The following SPRR2G variants were observed in gnomAD, a reference collection of about 807,000 sequenced individuals.
SPRR2G encodes small proline rich protein 2G.
A neutral mutation model predicts 0.7 loss-of-function variants in SPRR2G; 1 was observed. That is an observed-to-expected ratio of 1.49 (90% CI 0.53 to 7.06). The LOEUF (loss-of-function observed/expected upper bound fraction) is 7.06, where lower values mean the gene tolerates loss of function less well. Ranked by LOEUF, SPRR2G falls within the 30% of genes most tolerant of loss-of-function variation. The pLI is 0.14. For synonymous variants in SPRR2G, 38 were observed against 33.9 expected (o/e 1.12, Z -0.42); for missense variants, 96 against 88.5 (o/e 1.09, Z -0.34).
the SPRR2G span, among the ~76,000 whole-genome samples, chr1:153,170,634 A>G: frequency 6.6e-6 from 1 of 152,186 alleles, no homozygotes; most frequent in Non-Finnish European, 1.5e-5. Flanking sequence ...AGGGCTTGAT[A>G]GAGAGATAAG....
the SPRR2G span, among the ~76,000 whole-genome samples, chr1:153,156,075 G>T: frequency 6.6e-6 from 1 of 152,198 alleles, no homozygotes; most frequent in African/African-American, 2.4e-5. Context: ...CAGAGTACGT[G>T]CTAGATAAAT....
At chr1:153,181,769 G>A in the SPRR2G span, among the ~76,000 whole-genome samples, 8 of 151,512 alleles carry the variant, frequency 5.3e-5, no homozygotes, top group South Asian at 1.5e-3. Context: ...TTTTATGGCT[G>A]AGTGGTATTC....
the SPRR2G span, among the ~76,000 whole-genome samples, chr1:153,201,389 GAGAAAGATA>G: frequency 9.1e-4 from 139 of 152,334 alleles, no homozygotes; most frequent in Middle Eastern, 3.4e-3. Flanking sequence ...AAAGGAGAAA[GAGAAAGATA>G]ACAATGGCTA....
At chr1:153,159,553 T>C in the SPRR2G span, among the ~76,000 whole-genome samples, 1 of 152,216 alleles carries the variant, frequency 6.6e-6, no homozygotes, top group Non-Finnish European at 1.5e-5. Context: ...ACTTTCACAT[T>C]TTTAGTTATC....
the SPRR2G span, among the ~76,000 whole-genome samples, chr1:153,157,369 G>T: frequency 3.9e-3 from 595 of 152,224 alleles, 9 homozygotes; most frequent in African/African-American, 0.013. Flanking sequence ...GTGATAAAAA[G>T]AACAAACAAA....
At chr1:153,200,314 G>A in the SPRR2G span, among the ~76,000 whole-genome samples, 10 of 152,286 alleles carry the variant, frequency 6.6e-5, no homozygotes, top group African/African-American at 1.9e-4. Context: ...AGTTGGAGAA[G>A]TGGGATTATA....
chr1:153,179,241 G>A, the SPRR2G span, among the ~76,000 whole-genome samples: 1,020 of 152,220 alleles, frequency 6.7e-3, 17 homozygotes, highest in African/African-American at 0.022. Context: ...CCCTTACTTA[G>A]AGTCAATTCA....
At chr1:153,186,912 A>C in the SPRR2G span, among the ~76,000 whole-genome samples, 1 of 152,180 alleles carries the variant, frequency 6.6e-6, no homozygotes, top group Non-Finnish European at 1.5e-5. Flanking sequence ...AAAATCACTC[A>C]GCATTTGCTT....
At chr1:153,158,975 C>T in the SPRR2G span, among the ~76,000 whole-genome samples, 1 of 152,168 alleles carries the variant, frequency 6.6e-6, no homozygotes, top group African/African-American at 2.4e-5. Context: ...CTGCACTGAG[C>T]AGTGGGGCCC....
At chr1:153,155,500 G>A (rs972455458), upstream of SPRR2G, among the ~76,000 whole-genome samples, 2 of 152,062 alleles carry the variant, frequency 1.3e-5, no homozygotes, top group African/African-American at 2.4e-5. Context: ...TCTCTTGCTC[G>A]ATTATTACCA....
At chr1:153,163,462 G>A in the SPRR2G span, among the ~76,000 whole-genome samples, 2 of 152,296 alleles carry the variant, frequency 1.3e-5, no homozygotes, top group Admixed American at 1.3e-4. Flanking sequence ...ATAGAGACTT[G>A]ACTATTTGTA....
At chr1:153,176,909 CTATCA>C in the SPRR2G span, among the ~76,000 whole-genome samples, 1 of 152,154 alleles carries the variant, frequency 6.6e-6, no homozygotes, top group African/African-American at 2.4e-5. Flanking sequence ...AACCATAATC[CTATCA>C]TAACAGCCCC....
the SPRR2G span, among the ~76,000 whole-genome samples, chr1:153,160,848 C>A: frequency 4.6e-5 from 7 of 150,962 alleles, 1 homozygote; most frequent in African/African-American, 1.7e-4. Context: ...ACCCAAATGT[C>A]CAACAATGAT....
the SPRR2G span, chr1:153,191,350 T>C: frequency 6.6e-6 from 1 of 152,224 alleles, no homozygotes; most frequent in African/African-American, 2.4e-5. Flanking sequence ...GAGCCCAGTC[T>C]GTTGGGGATG....
the SPRR2G span, among the ~76,000 whole-genome samples, chr1:153,184,957 G>T: frequency 6.6e-6 from 1 of 152,172 alleles, no homozygotes; most frequent in South Asian, 2.1e-4. Context: ...CATCTATTGA[G>T]ATAATCATGT....
chr1:153,193,092 G>A, the SPRR2G span, among the ~76,000 whole-genome samples: 1 of 152,124 alleles, frequency 6.6e-6, no homozygotes, highest in Admixed American at 6.5e-5. Flanking sequence ...GAGAAGAAAA[G>A]GATGTAGCTT....
chr1:153,164,928 T>C, the SPRR2G span, among the ~76,000 whole-genome samples: 1 of 152,114 alleles, frequency 6.6e-6, no homozygotes, highest in African/African-American at 2.4e-5. Context: ...TCTACACACT[T>C]CTCTCTTCTC....
chr1:153,162,300 C>T, the SPRR2G span, among the ~76,000 whole-genome samples: 1 of 152,112 alleles, frequency 6.6e-6, no homozygotes, highest in East Asian at 1.9e-4. Flanking sequence ...AAGATAATGG[C>T]CCATAGCTCC....
the SPRR2G span, among the ~76,000 whole-genome samples, chr1:153,188,716 G>A: frequency 6.6e-6 from 1 of 152,068 alleles, no homozygotes; most frequent in African/African-American, 2.4e-5. Flanking sequence ...GGCACCACTG[G>A]TGTATGAAAA....
Sources: allele counts gnomAD v4.1 joint callset (sites outside exome capture counted in the v4.1 genomes callset), GRCh38; gene constraint gnomAD v4.1.1; transcripts MANE v1.5; gene names NCBI Gene and HGNC (gene_info 2026-07-23, HGNC 2026-07-21).